The following SBF2 variants were observed in gnomAD, a reference collection of about 807,000 sequenced individuals.
SBF2 encodes myotubularin-related protein 13.
SBF2 carries 112 observed loss-of-function variants against 225.2 expected under a neutral mutation model. That is an observed-to-expected ratio of 0.50 (90% CI 0.43 to 0.58). The LOEUF is 0.58. Ranked by LOEUF, SBF2 falls within the 20% of genes least tolerant of loss-of-function variation. SBF2 has a pLI of 0.00. For synonymous variants in SBF2, 763 were observed against 773.3 expected (o/e 0.99, Z 0.22); for missense variants, 1,996 against 2,206.2 (o/e 0.90, Z 1.91).
At chr11:9,860,303 C>T (rs1340095440) in intron 17 of SBF2, among the ~76,000 whole-genome samples, 2 of 137,982 alleles carry the variant, frequency 1.4e-5, no homozygotes, top group Non-Finnish European at 3.1e-5. Flanking sequence ...GGCTTTGTTA[C>T]CCAGGCTGGA....
At chr11:10,188,277 TAAG>T (rs1431686623) in intron 2 of SBF2, among the ~76,000 whole-genome samples, 1 of 152,102 alleles carries the variant, frequency 6.6e-6, no homozygotes, top group Non-Finnish European at 1.5e-5. Flanking sequence ...AACTGGAACT[TAAG>T]AAGTACAGGA....
At chr11:10,097,638 G>A (rs1390142076) in intron 2 of SBF2, among the ~76,000 whole-genome samples, 2 of 152,172 alleles carry the variant, frequency 1.3e-5, no homozygotes, top group Non-Finnish European at 2.9e-5. Flanking sequence ...ACCACCCACA[G>A]ATGACAGTAG....
chr11:9,830,149 C>T (rs1855300820), intron 27 of SBF2, among the ~76,000 whole-genome samples: 3 of 152,182 alleles, frequency 2.0e-5, no homozygotes, highest in Admixed American at 2.0e-4. Flanking sequence ...GCATATAAGC[C>T]TGGTTTGGGT....
chr11:10,205,785 C>G (rs746328250), intron 1 of SBF2, among the ~76,000 whole-genome samples: 1 of 152,036 alleles, frequency 6.6e-6, no homozygotes, highest in Non-Finnish European at 1.5e-5. Flanking sequence ...TCACAATAAG[C>G]AGGATGGCCT....
rs7115110 is a variant in SBF2 at position 9,991,576 on chromosome 11, T to G, written c.1296+839A>C. 2.9e-3 allele frequency among the ~76,000 whole-genome samples: 441 copies of G among 152,298 alleles called. 2 individuals carry two copies. The highest frequency in any genetic ancestry group is 0.01 in the Middle Eastern group (3 of 292). On this transcript the variant is annotated intron_variant, in intron 12 of 39. Coordinates refer to ENST00000256190, the MANE Select transcript of SBF2 (RefSeq NM_030962.4). Reference sequence around the variant, plus strand: ...TACATTTTTGGTTCTAATATAGTACTCTTTCAAAAATTGAAATGAGAATAA... The same window carrying G: ...TACATTTTTGGTTCTAATATAGTACGCTTTCAAAAATTGAAATGAGAATAA...
At chr11:9,938,833 G>C (rs1311882660) in intron 16 of SBF2, among the ~76,000 whole-genome samples, 1 of 151,318 alleles carries the variant, frequency 6.6e-6, no homozygotes, top group Admixed American at 6.6e-5. Flanking sequence ...AAAATATAGA[G>C]GTTATTAAAA....
intron 2 of SBF2, among the ~76,000 whole-genome samples, chr11:10,071,386 C>A (rs1003931752): frequency 1.3e-5 from 2 of 151,314 alleles, no homozygotes; most frequent in Non-Finnish European, 1.5e-5. Context: ...CCTGCTTCAG[C>A]CTCCAGAGTA....
At chr11:10,225,268 T>C (rs1164534156) in intron 1 of SBF2, among the ~76,000 whole-genome samples, 1 of 152,054 alleles carries the variant, frequency 6.6e-6, no homozygotes, top group Non-Finnish European at 1.5e-5. Flanking sequence ...AGAATATTAT[T>C]GGTATTTAAC....
At position 9,805,160 on chromosome 11, in the gene SBF2, T is replaced by C. The variant is rs575333191; in HGVS notation, c.4443+2840A>G. On this transcript the variant is annotated intron_variant, in intron 32 of 39. Coordinates refer to ENST00000256190, the MANE Select transcript of SBF2 (RefSeq NM_030962.4). Reference sequence around the variant, plus strand: ...ACTTGGGAGGCCAAGGTGGGAAGACTGCGTGAGCCTGGGAGGCGGAGGTTG... The same window carrying C: ...ACTTGGGAGGCCAAGGTGGGAAGACCGCGTGAGCCTGGGAGGCGGAGGTTG... Among the ~76,000 whole-genome samples the C allele has an allele frequency of 5.9e-5, 9 of 151,402 alleles. No homozygotes were observed. In the South Asian group the frequency reaches 1.0e-3, roughly 18 times the overall value.
At chr11:10,001,614 T>A (rs1947962279) in intron 7 of SBF2, among the ~76,000 whole-genome samples, 1 of 151,802 alleles carries the variant, frequency 6.6e-6, no homozygotes, top group South Asian at 2.1e-4. Flanking sequence ...AAGCTCCGCC[T>A]CCAGGGTTCA....
At chr11:9,970,385 T>G (rs958142561) in intron 13 of SBF2, among the ~76,000 whole-genome samples, 1 of 152,176 alleles carries the variant, frequency 6.6e-6, no homozygotes, top group Admixed American at 6.5e-5. Context: ...TTTTGTATTT[T>G]TAGTAGAGAC....
chr11:10,227,288 G>A (rs1164064146), intron 1 of SBF2, among the ~76,000 whole-genome samples: 1 of 152,104 alleles, frequency 6.6e-6, no homozygotes, highest in African/African-American at 2.4e-5. Context: ...TCACTCTGAT[G>A]GTAGTTTCTT....
intron 28 of SBF2, among the ~76,000 whole-genome samples, chr11:9,824,981 A>G (rs1854984134): frequency 6.6e-6 from 1 of 152,210 alleles, no homozygotes; most frequent in Non-Finnish European, 1.5e-5. Flanking sequence ...GAAAGAAATG[A>G]TGAGAAGAAC....
intron 6 of SBF2, among the ~76,000 whole-genome samples, chr11:10,004,840 C>A (rs1397066294): frequency 6.6e-6 from 1 of 152,182 alleles, no homozygotes. Flanking sequence ...AAGAATGCAA[C>A]CTTTTGTCTC....
chr11:9,787,036 C>T (rs1372103265), intron 36 of SBF2, among the ~76,000 whole-genome samples: 1 of 152,136 alleles, frequency 6.6e-6, no homozygotes, highest in Non-Finnish European at 1.5e-5. Context: ...GCTGGGATTA[C>T]AGGCATGCGC....
At chr11:9,798,897 A>T (rs1853304266) in intron 32 of SBF2, among the ~76,000 whole-genome samples, 1 of 150,418 alleles carries the variant, frequency 6.6e-6, no homozygotes, top group Admixed American at 6.7e-5. Flanking sequence ...GCTTGCAGTG[A>T]GCCGAGATCG....
intron 1 of SBF2, among the ~76,000 whole-genome samples, chr11:10,195,158 T>C (rs1957312859): frequency 6.6e-6 from 1 of 152,160 alleles, no homozygotes; most frequent in Non-Finnish European, 1.5e-5. Context: ...GAATGGGGAT[T>C]GTCCTGTGCA....
At chr11:9,830,838 T>G (rs1010047182) in intron 27 of SBF2, among the ~76,000 whole-genome samples, 1 of 151,244 alleles carries the variant, frequency 6.6e-6, no homozygotes, top group Non-Finnish European at 1.5e-5. Flanking sequence ...AAGTTGAATA[T>G]GAAATATAGT....
At chr11:10,210,227 G>A (rs1295906998) in intron 1 of SBF2, among the ~76,000 whole-genome samples, 2 of 152,052 alleles carry the variant, frequency 1.3e-5, no homozygotes, top group African/African-American at 4.8e-5. Flanking sequence ...AGAATTGCTT[G>A]AGCCTACAAG....
Sources: allele counts gnomAD v4.1 joint callset (sites outside exome capture counted in the v4.1 genomes callset), GRCh38; gene constraint gnomAD v4.1.1; transcripts MANE v1.5; gene names NCBI Gene and HGNC (gene_info 2026-07-23, HGNC 2026-07-21).